Variants in RGS6 observed in about 807,000 individuals in gnomAD.
The protein encoded by RGS6 is regulator of G protein signaling 6, also known as regulator of G-protein signaling 6.
Under a neutral mutation model 78.5 loss-of-function variants are expected in RGS6, and 30 were observed. The observed-to-expected ratio is 0.38, with a 90% CI of 0.29 to 0.52. The LOEUF (loss-of-function observed/expected upper bound fraction) is 0.52. Among genes scored for constraint, RGS6 ranks in the 20% least tolerant of loss-of-function variants. The pLI, the probability that RGS6 is intolerant of heterozygous loss-of-function variation, is 0.85. For missense variants in RGS6, 495 were observed against 609.7 expected (o/e 0.81, Z 1.98); for synonymous variants, 206 against 206.0 (o/e 1.00, Z 0.00).
At chr14:71,997,873 G>A (rs1333929837) in intron 2 of RGS6, among the ~76,000 whole-genome samples, 1 of 152,144 alleles carries the variant, frequency 6.6e-6, no homozygotes, top group South Asian at 2.1e-4. Flanking sequence ...ATGAAAACTT[G>A]GCTATAAATT....
At chr14:72,372,036 C>T (rs1014678019) in intron 3 of RGS6, among the ~76,000 whole-genome samples, 1 of 152,178 alleles carries the variant, frequency 6.6e-6, no homozygotes, top group Middle Eastern at 3.2e-3. Flanking sequence ...AAAGTGTATA[C>T]ACATTATGAG....
At chr14:72,013,731 G>C (rs1394905806) in intron 2 of RGS6, among the ~76,000 whole-genome samples, 1 of 152,218 alleles carries the variant, frequency 6.6e-6, no homozygotes. Context: ...TGCAATGTAT[G>C]TTGTAAACAT....
intron 3 of RGS6, 39 bp downstream of exon 3, chr14:72,352,233 C>T (rs2152740419): frequency 6.7e-7 from 1 of 1,490,456 alleles, no homozygotes; most frequent in Non-Finnish European, 9.3e-7. Flanking sequence ...ACAGTCAGAA[C>T]TACCAAAGAG....
intron 2 of RGS6, among the ~76,000 whole-genome samples, chr14:72,095,412 G>T (rs1347164136): frequency 6.6e-6 from 1 of 152,098 alleles, no homozygotes; most frequent in Non-Finnish European, 1.5e-5. Flanking sequence ...TCTCAGGGTT[G>T]CAAAATGACT....
At chr14:71,869,875 G>T in the RGS6 span, among the ~76,000 whole-genome samples, 2 of 152,278 alleles carry the variant, frequency 1.3e-5, no homozygotes, top group South Asian at 4.1e-4. Flanking sequence ...GGGTGAGTCT[G>T]ATCACCTTTT....
intron 2 of RGS6, among the ~76,000 whole-genome samples, chr14:72,160,416 T>C (rs1306578273): frequency 6.6e-6 from 1 of 152,198 alleles, no homozygotes; most frequent in African/African-American, 2.4e-5. Flanking sequence ...TTTAATTGCG[T>C]GTGGCAAGAA....
chr14:72,076,259 G>A (rs967911442), intron 2 of RGS6, among the ~76,000 whole-genome samples: 10 of 152,226 alleles, frequency 6.6e-5, no homozygotes, highest in Admixed American at 6.5e-4. Context: ...TTCCTTTTCT[G>A]TTCTTGGCTT....
intron 3 of RGS6, among the ~76,000 whole-genome samples, chr14:72,453,152 C>A (rs1484480156): frequency 6.6e-6 from 1 of 152,068 alleles, no homozygotes; most frequent in African/African-American, 2.4e-5. Context: ...CAGAGAGGGG[C>A]AAGTTTCTGT....
Position 72,414,468 on chromosome 14 carries a change from A to C in RGS6, c.185-40060A>C, listed in dbSNP as rs4480729. Among the ~76,000 whole-genome samples, 672 of 152,088 alleles carry C rather than the reference A, an allele frequency of 4.4e-3. 3 individuals are homozygous for C. The highest frequency in any genetic ancestry group is 0.015 in the African/African-American group (639 of 41,464). ...GGTTATTCTAGTTAGTCATTCTTTT[A>C]ATTTCTTTTCAAGGTTTTTAACTTC... On this transcript the variant is annotated intron_variant, in intron 3 of 17. Coordinates refer to ENST00000553525, the MANE Select transcript of RGS6 (RefSeq NM_001204424.2).
intron 17 of RGS6, among the ~76,000 whole-genome samples, chr14:72,555,287 G>A (rs1360739547): frequency 6.6e-6 from 1 of 152,176 alleles, no homozygotes; most frequent in Non-Finnish European, 1.5e-5. Flanking sequence ...CTGTCCAGCA[G>A]CTACCACCTG....
At chr14:72,230,112 A>G (rs566037315) in intron 2 of RGS6, among the ~76,000 whole-genome samples, 1 of 152,360 alleles carries the variant, frequency 6.6e-6, no homozygotes, top group South Asian at 2.1e-4. Flanking sequence ...CCAGATGGAA[A>G]GGGAAGAAAG....
At chr14:72,572,762 C>G in the RGS6 span, among the ~76,000 whole-genome samples, 1,353 of 152,102 alleles carry the variant, frequency 8.9e-3, 22 homozygotes, top group African/African-American at 0.031. Flanking sequence ...TGTGGATATA[C>G]TTAAAATCAT....
At chr14:72,074,362 AT>A (rs1320722319) in intron 2 of RGS6, among the ~76,000 whole-genome samples, 3 of 151,898 alleles carry the variant, frequency 2.0e-5, no homozygotes, top group Non-Finnish European at 4.4e-5. Context: ...TACCTAGCTG[AT>A]TTTTTGTAGG....
intron 2 of RGS6, among the ~76,000 whole-genome samples, chr14:72,102,543 A>C (rs999016206): frequency 2.6e-5 from 4 of 152,118 alleles, no homozygotes; most frequent in African/African-American, 9.7e-5. Context: ...TATTATCTCT[A>C]TTTTATGGAT....
At chr14:72,039,051 T>C (rs2092086713) in intron 2 of RGS6, among the ~76,000 whole-genome samples, 1 of 152,242 alleles carries the variant, frequency 6.6e-6, no homozygotes, top group Non-Finnish European at 1.5e-5. Flanking sequence ...CAATGATATG[T>C]CCTTTATTAG....
chr14:72,246,676 G>A (rs1470840144), intron 2 of RGS6, among the ~76,000 whole-genome samples: 10 of 152,110 alleles, frequency 6.6e-5, no homozygotes, highest in African/African-American at 1.7e-4. Context: ...TTGAGAGGCC[G>A]AGGTGGGCAG....
intron 2 of RGS6, among the ~76,000 whole-genome samples, chr14:72,236,766 A>C (rs2051174260): frequency 6.6e-6 from 1 of 151,774 alleles, no homozygotes; most frequent in African/African-American, 2.4e-5. Flanking sequence ...CTGCGGCCAG[A>C]GAGAGGCACT....
At chr14:72,049,039 C>A (rs1291016574) in intron 2 of RGS6, among the ~76,000 whole-genome samples, 4 of 151,874 alleles carry the variant, frequency 2.6e-5, no homozygotes, top group African/African-American at 9.7e-5. Context: ...AAAATTTTGG[C>A]CATAATTGAA....
the RGS6 span, among the ~76,000 whole-genome samples, chr14:71,909,722 T>A: frequency 6.6e-6 from 1 of 151,912 alleles, no homozygotes; most frequent in African/African-American, 2.4e-5. Flanking sequence ...AGAGCTGCAC[T>A]CCGAAAGCTC....
Sources: gnomAD v4.1 joint callset for allele counts (sites outside exome capture counted in the v4.1 genomes callset) on GRCh38, gnomAD v4.1.1 for gene constraint, MANE v1.5 for transcripts, NCBI Gene and HGNC (gene_info 2026-07-23, HGNC 2026-07-21) for gene names.